The following COL26A1 variants were observed in gnomAD, a reference collection of about 807,000 sequenced individuals.
The protein encoded by COL26A1 is collagen alpha-1(XXVI) chain.
In COL26A1, 41 loss-of-function variants were observed where a neutral mutation model predicts 59.3. The observed-to-expected ratio is 0.69, with a 90% confidence interval of 0.54 to 0.90. The LOEUF is 0.90. Ranked by LOEUF, COL26A1 falls within the 40% of genes least tolerant of loss-of-function variation. The probability of loss-of-function intolerance (pLI) is 0.00; values close to 1 mark genes in which losing one functional copy is unlikely to be tolerated. For synonymous variants in COL26A1, 266 were observed against 256.0 expected, an observed-to-expected ratio of 1.04 and a Z score of -0.37; for missense variants, 612 against 602.3, an observed-to-expected ratio of 1.02 and a Z score of -0.17.
intron 11 of COL26A1, among the ~76,000 whole-genome samples, chr7:101,553,757 C>T (rs1318055405): frequency 2.0e-5 from 3 of 152,026 alleles, no homozygotes; most frequent in Admixed American, 6.6e-5. Context: ...TCGGCATGGG[C>T]GTGCTTACAA....
chr7:101,371,986 T>C (rs954684056), intron 1 of COL26A1, among the ~76,000 whole-genome samples: 1 of 152,164 alleles, frequency 6.6e-6, no homozygotes, highest in Non-Finnish European at 1.5e-5. Context: ...TGGGAATGAC[T>C]TCAGTACTTC....
chr7:101,517,813 T>C (rs1795062530), intron 3 of COL26A1, among the ~76,000 whole-genome samples: 1 of 127,874 alleles, frequency 7.8e-6, no homozygotes, highest in Non-Finnish European at 1.7e-5. Flanking sequence ...TTTTTTTTTT[T>C]TTTTTTTTTT....
chr7:101,477,254 T>C lies in COL26A1; in HGVS notation c.385+29467T>C, dbSNP rs114462505. Among the ~76,000 whole-genome samples, 1,450 of 152,258 alleles carry C rather than the reference T, an allele frequency of 9.5e-3. 22 individuals are homozygous for C. The highest frequency in any genetic ancestry group is 0.033 in the African/African-American group (1,381 of 41,552). On this transcript the variant is annotated intron_variant, in intron 3 of 12. Transcript: ENST00000313669. ...GAAAACTGGTCTGTTAGTGTGTGAATTGTAAGGTATTGTGTGTCTGCGTGG... is the reference window on the plus strand; with the variant it reads ...GAAAACTGGTCTGTTAGTGTGTGAACTGTAAGGTATTGTGTGTCTGCGTGG...
chr7:101,505,149 C>T (rs567383844), intron 3 of COL26A1, among the ~76,000 whole-genome samples: 2 of 151,538 alleles, frequency 1.3e-5, no homozygotes, highest in South Asian at 2.1e-4. Flanking sequence ...GATGAATGCA[C>T]GTGGGTCTGG....
At chr7:101,425,831 T>C (rs1284993703) in intron 2 of COL26A1, among the ~76,000 whole-genome samples, 3 of 149,886 alleles carry the variant, frequency 2.0e-5, no homozygotes, top group Non-Finnish European at 4.4e-5. Context: ...GCATAATTTT[T>C]TTTTTTTTTT....
chr7:101,525,764 G>A (rs1388395752), intron 3 of COL26A1, among the ~76,000 whole-genome samples: 1 of 152,214 alleles, frequency 6.6e-6, no homozygotes, highest in African/African-American at 2.4e-5. Flanking sequence ...CCAAAGTGCT[G>A]GGATTACAGG....
At chr7:101,489,776 T>TG (rs1794380181) in intron 3 of COL26A1, among the ~76,000 whole-genome samples, 3 of 2,814 alleles carry the variant, frequency 1.1e-3, no homozygotes, top group East Asian at 4.3e-3. Context: ...CTTTCTTTCT[T>TG]TCTTTCTTTC....
intron 3 of COL26A1, among the ~76,000 whole-genome samples, chr7:101,452,623 A>T (rs1793370480): frequency 6.6e-6 from 1 of 152,162 alleles, no homozygotes; most frequent in African/African-American, 2.4e-5. Context: ...TAGATGGTCT[A>T]GCCTATTGCT....
intron 1 of COL26A1, among the ~76,000 whole-genome samples, chr7:101,390,163 T>TG (rs1422510701): frequency 7.0e-6 from 1 of 143,824 alleles, no homozygotes; most frequent in African/African-American, 2.6e-5. Flanking sequence ...TTTTTTTTTT[T>TG]TTTTTTTTTT....
intron 1 of COL26A1, among the ~76,000 whole-genome samples, chr7:101,408,782 G>A (rs1344465837): frequency 2.0e-5 from 3 of 152,162 alleles, no homozygotes; most frequent in African/African-American, 7.2e-5. Flanking sequence ...GCTCCTTGCT[G>A]CGGCTGTGCA....
intron 1 of COL26A1, among the ~76,000 whole-genome samples, chr7:101,406,342 T>G (rs1792128644): frequency 1.3e-5 from 2 of 152,158 alleles, no homozygotes. Context: ...GCCATGGTGT[T>G]ACATACACTC....
At chr7:101,392,073 G>A (rs1379896154) in intron 1 of COL26A1, among the ~76,000 whole-genome samples, 1 of 152,122 alleles carries the variant, frequency 6.6e-6, no homozygotes, top group African/African-American at 2.4e-5. Flanking sequence ...AGGCAGGGAA[G>A]TGTATGGGCC....
chr7:101,430,354 T>G lies in COL26A1; in HGVS notation c.281+10255T>G, dbSNP rs114882622. Among the ~76,000 whole-genome samples, 640 of 152,118 alleles carry G rather than the reference T, an allele frequency of 4.2e-3. 5 individuals are homozygous for G. Among genetic ancestry groups the G allele is most frequent in the African/African-American group, 0.015 (618 of 41,504 alleles). On this transcript the variant is annotated intron_variant, in intron 2 of 12. Coordinates refer to ENST00000313669, the MANE Select transcript of COL26A1 (RefSeq NM_001278563.3). The stretch of plus-strand genomic sequence containing the variant: ...GCTGGAGTGCAGTGTAGTGGCGCGA[T>G]CTCAGCTCACTGCAATCTCTGCTTC...
At chr7:101,387,983 C>T (rs149785160) in intron 1 of COL26A1, among the ~76,000 whole-genome samples, 217 of 150,462 alleles carry the variant, frequency 1.4e-3, no homozygotes, top group African/African-American at 5.1e-3. Context: ...GGCCAAGTAT[C>T]GGACTCCCAG....
chr7:101,475,923 T>TCTCTCTCA (rs1794035186), intron 3 of COL26A1, among the ~76,000 whole-genome samples: 1 of 148,702 alleles, frequency 6.7e-6, no homozygotes. Context: ...TCTCTCTTTC[T>TCTCTCTCA]TTCTCTCTCT....
chr7:101,429,276 T>C (rs1454225080), intron 2 of COL26A1, among the ~76,000 whole-genome samples: 2 of 152,144 alleles, frequency 1.3e-5, no homozygotes, highest in Non-Finnish European at 2.9e-5. Flanking sequence ...TTTAAATTCA[T>C]CATACATTTT....
chr7:101,430,860 T>A (rs1453586286), intron 2 of COL26A1, among the ~76,000 whole-genome samples: 3 of 152,126 alleles, frequency 2.0e-5, no homozygotes, highest in Non-Finnish European at 4.4e-5. Context: ...AGTGGTGCGA[T>A]CTCAGCTCAC....
chr7:101,458,947 G>A (rs1176687372), intron 3 of COL26A1, among the ~76,000 whole-genome samples: 1 of 151,874 alleles, frequency 6.6e-6, no homozygotes, highest in Non-Finnish European at 1.5e-5. Context: ...GACTACAGAT[G>A]CGTGCCACCA....
At chr7:101,499,896 A>AAAAAAAAAAAAAG (rs35819045) in intron 3 of COL26A1, among the ~76,000 whole-genome samples, 1 of 141,174 alleles carries the variant, frequency 7.1e-6, no homozygotes. Context: ...AAAAAAAAAA[A>AAAAAAAAAAAAAG]CACCTTTGTT....
Sources: allele counts gnomAD v4.1 joint callset (sites outside exome capture counted in the v4.1 genomes callset), GRCh38; gene constraint gnomAD v4.1.1; transcripts MANE v1.5; gene names NCBI Gene and HGNC (gene_info 2026-07-23, HGNC 2026-07-21).